The following OCA2 variants were observed in gnomAD, a reference collection of about 807,000 sequenced individuals.
The protein encoded by OCA2 is P protein.
A neutral mutation model predicts 100.2 loss-of-function variants in OCA2; 77 were observed. The observed-to-expected ratio is 0.77, with a 90% CI of 0.64 to 0.93. OCA2 has a LOEUF of 0.93. Among genes scored for constraint, OCA2 ranks in the 40% least tolerant of loss-of-function variants. The probability of loss-of-function intolerance (pLI) is 0.00; values close to 1 mark genes in which losing one functional copy is unlikely to be tolerated. For synonymous variants in OCA2, 432 were observed against 439.2 expected (o/e 0.98, Z 0.21); for missense variants, 1,062 against 1,089.1 (o/e 0.98, Z 0.35).
chr15:28,046,406 A>G (rs2043348987), intron 2 of OCA2, among the ~76,000 whole-genome samples: 3 of 152,166 alleles, frequency 2.0e-5, no homozygotes, highest in Admixed American at 1.3e-4. Flanking sequence ...ACCCAGCAGA[A>G]AAGAGTCTTG....
At chr15:28,062,318 C>T (rs1375066662) in intron 2 of OCA2, among the ~76,000 whole-genome samples, 1 of 152,210 alleles carries the variant, frequency 6.6e-6, no homozygotes. Flanking sequence ...CTAAATACCA[C>T]TGATGTTGAG....
In OCA2 at chr15:27,851,424, G is replaced by T. The variant is rs144064082; in HGVS notation, c.2296C>A (p.Pro766Thr). 5.5e-5 allele frequency: 89 copies of T among 1,614,008 alleles called. No individual in the cohort carries two copies. In the African/African-American group the frequency reaches 1.1e-3, roughly 20 times the overall value. The change falls in exon 22 of 24, where the codon CCG becomes ACG. Residue 766 changes from proline to threonine, a missense_variant. By Grantham distance (38) the Pro-to-Thr change is conservative. Transcript: ENST00000354638. ...AAGGCCAGGGCATACATGAGCGGCG[G>T]TGCGGGCAGGCCAACCTCAGGGTCG... ...SHDPEVGLPA[P>T]PLMYALAFGA...
intron 14 of OCA2, among the ~76,000 whole-genome samples, chr15:27,980,622 T>C (rs1424130772): frequency 6.6e-6 from 1 of 152,194 alleles, no homozygotes. Flanking sequence ...AGTCTGTTTT[T>C]TGTACATAAG....
chr15:27,871,265 G>A lies in OCA2; in HGVS notation c.2140-7C>T. On this transcript the variant is annotated splice_polypyrimidine_tract_variant and splice_region_variant and intron_variant, in intron 20 of 23. Coordinates refer to ENST00000354638, the MANE Select transcript of OCA2 (RefSeq NM_000275.3). Reference sequence around the variant, plus strand: ...GCTGCTCCTCTGGGACCATCTGGAAGGAGGACAATAGCAGCTGCAGTGTTC... The same window carrying A: ...GCTGCTCCTCTGGGACCATCTGGAAAGAGGACAATAGCAGCTGCAGTGTTC... The A allele has an allele frequency of 1.2e-6, 2 of 1,608,060 alleles. No individual in the cohort carries two copies. Among genetic ancestry groups the A allele is most frequent in the Non-Finnish European group, 8.5e-7 (1 of 1,174,562 alleles).
chr15:27,841,836 A>T lies in OCA2; in HGVS notation c.2432+3123T>A, dbSNP rs1329130466. On this transcript the variant is annotated intron_variant, in intron 23 of 23. Transcript: ENST00000354638. ...TCAGTAGAATTAATTAAAACAAAAC[A>T]TGAGTCTATTGTTAGCCAGCCAGAT... Among the ~76,000 whole-genome samples, 55 of 152,234 alleles carry T rather than the reference A, an allele frequency of 3.6e-4. 1 individual carries two copies. The highest frequency in any genetic ancestry group is 4.4e-5 in the Non-Finnish European group (3 of 68,044).
chr15:27,929,866 A>C (rs2039183606), intron 18 of OCA2, among the ~76,000 whole-genome samples: 1 of 125,438 alleles, frequency 8.0e-6, no homozygotes, highest in Admixed American at 8.8e-5. Flanking sequence ...CATAAGATTG[A>C]CAAATGATTA....
intron 19 of OCA2, among the ~76,000 whole-genome samples, chr15:27,909,823 T>G (rs189226621): frequency 4.2e-4 from 64 of 152,316 alleles, no homozygotes; most frequent in African/African-American, 1.5e-3. Flanking sequence ...TATTTAGCCT[T>G]TCTATATAAA....
intron 1 of OCA2, among the ~76,000 whole-genome samples, chr15:28,089,225 C>A (rs1220632733): frequency 6.6e-6 from 1 of 152,104 alleles, no homozygotes; most frequent in Non-Finnish European, 1.5e-5. Context: ...TTTCAAGGTG[C>A]CCAGATTTCA....
intron 23 of OCA2, among the ~76,000 whole-genome samples, chr15:27,820,216 A>G (rs2034453208): frequency 6.6e-6 from 1 of 152,254 alleles, no homozygotes; most frequent in African/African-American, 2.4e-5. Flanking sequence ...TTCTAAAGAT[A>G]CTTCCTCCTC....
intron 2 of OCA2, among the ~76,000 whole-genome samples, chr15:28,065,539 A>G (rs1462910192): frequency 6.6e-6 from 1 of 152,170 alleles, no homozygotes; most frequent in African/African-American, 2.4e-5. Context: ...AGCAAACGCA[A>G]TAATTTACAG....
intron 1 of OCA2, among the ~76,000 whole-genome samples, chr15:28,087,834 G>T (rs2044803993): frequency 6.6e-6 from 1 of 152,150 alleles, no homozygotes; most frequent in South Asian, 2.1e-4. Context: ...GGCCGAGGTG[G>T]GTGGATCACC....
In OCA2 at chr15:27,851,561, C is replaced by T. The variant is rs74005265; in HGVS notation, c.2245-86G>A. 743 of 1,050,098 alleles carry T rather than the reference C, an allele frequency of 7.1e-4. 9 individuals carry two copies. In the African/African-American group the frequency reaches 9.0e-3, roughly 13 times the overall value. The allele number at this position is 1,050,098 out of a possible 1,614,324, so 65.0% of individuals were successfully genotyped here. ...GTGACCAATTTAGAAAATCCAAATG[C>T]TTTCTCAGCATTCAAACTCTAAGGA... On this transcript the variant is annotated intron_variant, in intron 21 of 23. Coordinates refer to ENST00000354638, the MANE Select transcript of OCA2 (RefSeq NM_000275.3).
chr15:27,979,789 T>G, intron 14 of OCA2, among the ~76,000 whole-genome samples: 1 of 150,912 alleles, frequency 6.6e-6, no homozygotes, highest in Non-Finnish European at 1.5e-5. Context: ...AACCTCCGCC[T>G]CCTGGGTTCA....
At chr15:27,984,935 G>C in intron 13 of OCA2, 129 bp downstream of exon 13, 1 of 1,047,878 alleles carries the variant, frequency 9.5e-7, no homozygotes, top group Non-Finnish European at 1.4e-6. Context: ...GGAATGCAGT[G>C]AGCTGTGGGC....
At chr15:28,039,414 A>G (rs566411068) in intron 2 of OCA2, among the ~76,000 whole-genome samples, 6 of 152,240 alleles carry the variant, frequency 3.9e-5, no homozygotes, top group Non-Finnish European at 7.3e-5. Flanking sequence ...AAGTTTTAAT[A>G]ATTTTTAAAA....
At chr15:27,867,045 G>GC (rs1023687295) in intron 21 of OCA2, among the ~76,000 whole-genome samples, 24 of 152,306 alleles carry the variant, frequency 1.6e-4, no homozygotes, top group Non-Finnish European at 2.8e-4. Context: ...GTGGGCAGCC[G>GC]CCCCCCATTC....
intron 9 of OCA2, among the ~76,000 whole-genome samples, chr15:28,011,494 T>C (rs2042238027): frequency 6.7e-6 from 1 of 148,228 alleles, no homozygotes; most frequent in Non-Finnish European, 1.5e-5. Flanking sequence ...ATAATAAAAC[T>C]AACTCAAAAT....
At chr15:28,019,503 A>G (rs2042521515) in intron 6 of OCA2, among the ~76,000 whole-genome samples, 1 of 152,144 alleles carries the variant, frequency 6.6e-6, no homozygotes, top group South Asian at 2.1e-4. Context: ...AGACCCTGCA[A>G]CTACCGAACC....
At chr15:27,806,445 G>C (rs1285487120) in intron 23 of OCA2, among the ~76,000 whole-genome samples, 1 of 152,176 alleles carries the variant, frequency 6.6e-6, no homozygotes, top group Non-Finnish European at 1.5e-5. Flanking sequence ...GTAAGCAAGG[G>C]AATTCAGACG....
Sources: gnomAD v4.1 joint callset for allele counts (sites outside exome capture counted in the v4.1 genomes callset) on GRCh38, gnomAD v4.1.1 for gene constraint, MANE v1.5 for transcripts, NCBI Gene and HGNC (gene_info 2026-07-23, HGNC 2026-07-21) for gene names.